FAM81A: variants seen among roughly 807,000 people sequenced by gnomAD.
FAM81A encodes family with sequence similarity 81 member A, also known as protein FAM81A.
In FAM81A, 19 loss-of-function variants were observed where a neutral mutation model predicts 46.7. That is an observed-to-expected ratio of 0.41 (90% confidence interval 0.28 to 0.60). The LOEUF is 0.60. FAM81A is among the 20% of genes least tolerant of loss of function. FAM81A has a pLI of 0.34. For missense variants in FAM81A, 377 were observed against 453.5 expected (o/e 0.83, Z 1.53); for synonymous variants, 183 against 152.9 (o/e 1.20, Z -1.45).
chr15:59,480,017 C>G (rs2081829903), intron 3 of FAM81A, among the ~76,000 whole-genome samples: 1 of 152,092 alleles, frequency 6.6e-6, no homozygotes, highest in African/African-American at 2.4e-5. Flanking sequence ...AGTTAGGGGA[C>G]TACTTCAAGG....
At chr15:59,445,595 G>C (rs1418451102) in intron 1 of FAM81A, 1 of 152,124 alleles carries the variant, frequency 6.6e-6, no homozygotes, top group Non-Finnish European at 1.5e-5. Context: ...TCCTCTCTCT[G>C]AGTGTGTGAA....
intron 1 of FAM81A, among the ~76,000 whole-genome samples, chr15:59,448,482 A>G (rs1161234274): frequency 6.6e-6 from 1 of 152,200 alleles, no homozygotes; most frequent in Non-Finnish European, 1.5e-5. Flanking sequence ...CCCTGGTTGT[A>G]GTTCTAAATA....
At chr15:59,455,802 G>A (rs908378450) in intron 1 of FAM81A, among the ~76,000 whole-genome samples, 1 of 152,194 alleles carries the variant, frequency 6.6e-6, no homozygotes, top group Non-Finnish European at 1.5e-5. Context: ...AGAAGGGGAT[G>A]CCAAAGTCCC....
At chr15:59,497,068 G>T (rs753371592) in intron 4 of FAM81A, among the ~76,000 whole-genome samples, 2 of 151,050 alleles carry the variant, frequency 1.3e-5, no homozygotes, top group Non-Finnish European at 3.0e-5. Flanking sequence ...GCAGTGAGCC[G>T]GGATTGTGCC....
intron 3 of FAM81A, among the ~76,000 whole-genome samples, chr15:59,489,982 A>T (rs1303963332): frequency 1.3e-5 from 2 of 152,220 alleles, no homozygotes; most frequent in Non-Finnish European, 2.9e-5. Context: ...GAATCTGTAC[A>T]ACAACACATT....
chr15:59,399,279 C>G (rs867329276), intron 1 of FAM81A, among the ~76,000 whole-genome samples: 31 of 152,164 alleles, frequency 2.0e-4, no homozygotes, highest in African/African-American at 7.0e-4. Context: ...ATCCCAGAAG[C>G]TGGAAACATT....
intron 3 of FAM81A, among the ~76,000 whole-genome samples, chr15:59,480,756 G>T (rs1044511550): frequency 1.3e-5 from 2 of 152,026 alleles, no homozygotes; most frequent in African/African-American, 4.8e-5. Context: ...CATATATAAC[G>T]ATATAATCTT....
Position 59,460,714 on chromosome 15 carries a change from G to T in FAM81A, c.294+508G>T. 5.1e-6 allele frequency: 1 copy of T among 195,634 alleles called. No individual in the cohort carries two copies. The highest frequency in any genetic ancestry group is 1.1e-5 in the Non-Finnish European group (1 of 94,630). The allele number at this position is 195,634 out of a possible 1,614,324, so 12.1% of individuals were successfully genotyped here. ...TTTCTTTGAAATGAGACCAATAAAAGGCCAATATTGTCTATTTTTAGAATT... is the reference window on the plus strand; with the variant it reads ...TTTCTTTGAAATGAGACCAATAAAATGCCAATATTGTCTATTTTTAGAATT... On this transcript the variant is annotated intron_variant, in intron 3 of 8. Transcript: ENST00000288228. This position sits in a 1 kb window ranked among gnomAD's most constrained non-coding sequence, Gnocchi z 4.4.
chr15:59,447,365 C>T lies in FAM81A; in HGVS notation c.-78+9083C>T, dbSNP rs183388981. Among the ~76,000 whole-genome samples the T allele has an allele frequency of 3.3e-5, 5 of 152,308 alleles. No individual in the cohort carries two copies. In the East Asian group the frequency reaches 5.8e-4, roughly 18 times the overall value. ...ATGACTTACCCAGCTTTCCCCAGATCGGCCTCACAACCATAATGCCATGTG... is the reference window on the plus strand; with the variant it reads ...ATGACTTACCCAGCTTTCCCCAGATTGGCCTCACAACCATAATGCCATGTG... On this transcript the variant is annotated intron_variant, in intron 1 of 8. Transcript: ENST00000288228.
At chr15:59,437,833 A>C (rs2081253732), upstream of FAM81A, among the ~76,000 whole-genome samples, 1 of 152,084 alleles carries the variant, frequency 6.6e-6, no homozygotes, top group Non-Finnish European at 1.5e-5. Flanking sequence ...CACCTCTCCA[A>C]ATCAACCATC....
intron 2 of FAM81A, among the ~76,000 whole-genome samples, chr15:59,405,534 G>C (rs979563908): frequency 2.0e-5 from 3 of 152,082 alleles, no homozygotes; most frequent in Non-Finnish European, 2.9e-5. Context: ...CCAGCTACTT[G>C]GGAGGCTGAT....
At chr15:59,487,502 C>T (rs995375043) in intron 3 of FAM81A, among the ~76,000 whole-genome samples, 1 of 151,196 alleles carries the variant, frequency 6.6e-6, no homozygotes, top group Admixed American at 6.6e-5. Flanking sequence ...AACAAATTGA[C>T]AAACTTTAGC....
intron 1 of FAM81A, among the ~76,000 whole-genome samples, chr15:59,446,967 GTTA>G (rs1210514789): frequency 6.6e-6 from 1 of 152,120 alleles, no homozygotes; most frequent in Admixed American, 6.5e-5. Context: ...GCTTTTTGTT[GTTA>G]TTGTCATTCA....
intron 3 of FAM81A, among the ~76,000 whole-genome samples, chr15:59,482,293 G>A (rs1289499874): frequency 1.3e-5 from 2 of 152,018 alleles, no homozygotes; most frequent in Non-Finnish European, 2.9e-5. Context: ...TTTGAGATGG[G>A]GTTTTGCTCT....
Position 59,514,403 on chromosome 15 carries a change from C to T in FAM81A, c.765C>T (p.Ser255=). Residue 255 remains serine, a synonymous_variant, in exon 7 of 9, where the codon TCC becomes TCT. Coordinates refer to ENST00000288228, the MANE Select transcript of FAM81A (RefSeq NM_152450.3). ...TTTTACAGAAAATTGATCAGCTTTC[C>T]TTGATTGTTAAGGAAAACAGTGTAG... is the stretch of plus-strand genomic sequence containing the variant. ...KELLQKIDQL[S]LIVKENSGAS... 6.2e-7 allele frequency: 1 copy of T among 1,612,190 alleles called. No homozygotes were observed. Among genetic ancestry groups the T allele is most frequent in the Non-Finnish European group, 8.5e-7 (1 of 1,179,386 alleles).
intron 3 of FAM81A, among the ~76,000 whole-genome samples, chr15:59,464,645 A>G (rs1168624164): frequency 1.2e-4 from 19 of 152,168 alleles, no homozygotes; most frequent in Non-Finnish European, 1.5e-5. Context: ...CAAATCATTT[A>G]CCCATTTAAA....
intron 3 of FAM81A, among the ~76,000 whole-genome samples, chr15:59,468,724 T>G (rs1309235056): frequency 6.6e-6 from 1 of 152,208 alleles, no homozygotes; most frequent in African/African-American, 2.4e-5. Flanking sequence ...TCAGTTCTGC[T>G]TTGAGCTTAG....
chr15:59,512,962 A>C (rs2141833196), intron 6 of FAM81A, among the ~76,000 whole-genome samples: 2 of 152,358 alleles, frequency 1.3e-5, no homozygotes, highest in African/African-American at 4.8e-5. Context: ...TACCCAGTTA[A>C]CATTTGAGGG....
intron 1 of FAM81A, among the ~76,000 whole-genome samples, chr15:59,450,264 T>C (rs2081403624): frequency 6.6e-6 from 1 of 152,130 alleles, no homozygotes; most frequent in African/African-American, 2.4e-5. Context: ...ATTTGTTCTT[T>C]CATTGCATGA....
Sources: gnomAD v4.1 joint callset for allele counts (sites outside exome capture counted in the v4.1 genomes callset) on GRCh38, gnomAD v4.1.1 for gene constraint, Gnocchi (gnomAD v3.1) non-coding constraint, MANE v1.5 for transcripts, NCBI Gene and HGNC (gene_info 2026-07-23, HGNC 2026-07-21) for gene names.